Variants in CACNA2D1 observed in about 807,000 individuals in gnomAD.
The protein encoded by CACNA2D1 is calcium voltage-gated channel auxiliary subunit alpha2delta 1.
In CACNA2D1, 53 loss-of-function variants were observed where a neutral mutation model predicts 171.5. The observed-to-expected ratio is 0.31, with a 90% CI of 0.25 to 0.39. CACNA2D1 has a LOEUF of 0.39. Ranked by LOEUF, CACNA2D1 falls within the 10% of genes least tolerant of loss-of-function variation. The pLI is 1.00. For missense variants in CACNA2D1, 903 were observed against 1,299.8 expected (o/e 0.69, Z 4.69); for synonymous variants, 442 against 443.1 (o/e 1.00, Z 0.03).
chr7:82,009,952 A>C lies in CACNA2D1; in HGVS notation c.1363-2196T>G, dbSNP rs148031398. ...AATGAACTCTCCACAATATTGTCCTAATCTCCCCTTATTACCAAAAATGAC... is the reference window on the plus strand; with the variant it reads ...AATGAACTCTCCACAATATTGTCCTCATCTCCCCTTATTACCAAAAATGAC... On this transcript the variant is annotated intron_variant, in intron 15 of 38. Coordinates refer to ENST00000356860, the MANE Select transcript of CACNA2D1 (RefSeq NM_000722.4). Among the ~76,000 whole-genome samples the C allele has an allele frequency of 3.3e-5, 5 of 152,034 alleles. No individual in the cohort carries two copies. In the East Asian group the frequency reaches 9.7e-4, roughly 29 times the overall value.
Position 81,950,176 on chromosome 7 carries a change from T to C in CACNA2D1, c.*216A>G. The C allele has an allele frequency of 9.3e-6, 7 of 750,378 alleles. No homozygotes were observed. In the South Asian group the frequency reaches 1.1e-4, roughly 12 times the overall value. 46.5% of individuals were successfully genotyped at this position (750,378 alleles called of 1,614,324 possible). On this transcript the variant is annotated 3_prime_UTR_variant, in exon 39 of 39. Coordinates refer to ENST00000356860, the MANE Select transcript of CACNA2D1 (RefSeq NM_000722.4). ...TAGGATTTTGCTTTGATGTTACACA[T>C]AGATGATGCAGCATTCACACACGTT...
chr7:82,069,713 CTT>C (rs3839803), intron 7 of CACNA2D1, among the ~76,000 whole-genome samples: 70,557 of 150,144 alleles, frequency 0.47, 18,257 homozygotes, highest in African/African-American at 0.7. Context: ...CGAAGTACCC[CTT>C]TTTTTTTTAT....
intron 3 of CACNA2D1, among the ~76,000 whole-genome samples, chr7:82,185,469 GA>G (rs1487478229): frequency 4.1e-4 from 23 of 56,436 alleles, no homozygotes; most frequent in Admixed American, 3.3e-4. Flanking sequence ...ACAAAAAAGA[GA>G]GGGGGGGAGG....
rs79765810 is a variant in CACNA2D1, at chr7:82,341,160, T to C, written c.178-5909A>G. 5.0e-3 allele frequency among the ~76,000 whole-genome samples: 767 copies of C among 152,306 alleles called. 17 individuals are homozygous for C. The East Asian group carries it at 0.08, about 16-fold the overall frequency. On this transcript the variant is annotated intron_variant, in intron 2 of 38. Transcript: ENST00000356860. ...GAATGTCTTCTTTCTAAAAGGTGTA[T>C]TAACAGAAAAGAATGATATAATGTA...
In CACNA2D1 at chr7:81,980,172, C is replaced by CAAAAAAAAAAAAAAA. The variant is rs35616922; in HGVS notation, c.1955+2380_1955+2394dup. On this transcript the variant is annotated intron_variant, in intron 24 of 38. Transcript: ENST00000356860. ...AAAAGAAGGTAAAACTAAAACCAAG[C>CAAAAAAAAAAAAAAA]AAAAAAAAAAAAAAAAAAAAAAAAA... 4.8e-4 allele frequency among the ~76,000 whole-genome samples: 12 copies of CAAAAAAAAAAAAAAA among 25,256 alleles called. 2 individuals carry two copies. The highest frequency in any genetic ancestry group is 1.1e-3 in the African/African-American group (7 of 6,460). The allele number at this position is 25,256 out of a possible 152,430, so 16.6% of individuals were successfully genotyped here. A position where few individuals can be genotyped will look rare whatever the true frequency, so the allele number is the denominator to read the frequency against.
At chr7:82,067,708 G>A (rs766521109) in intron 7 of CACNA2D1, among the ~76,000 whole-genome samples, 4 of 152,126 alleles carry the variant, frequency 2.6e-5, no homozygotes, top group South Asian at 2.1e-4. Context: ...GAGAGTCTGC[G>A]ATGTAAAATA....
chr7:82,003,508 T>C lies in CACNA2D1; in HGVS notation c.1590+1915A>G, dbSNP rs146120059. Among the ~76,000 whole-genome samples, 351 of 151,522 alleles carry C rather than the reference T, an allele frequency of 2.3e-3. 1 individual carries two copies. Among genetic ancestry groups the C allele is most frequent in the African/African-American group, 7.8e-3 (324 of 41,450 alleles). ...TAAATACTGGTTATTAGTAGAAGAA[T>C]GTAGAAAAGGAAAAAAACTTCAAAT... On this transcript the variant is annotated intron_variant, in intron 18 of 38. Transcript: ENST00000356860.
intron 3 of CACNA2D1, among the ~76,000 whole-genome samples, chr7:82,302,460 G>A (rs1813137020): frequency 6.6e-6 from 1 of 150,704 alleles, no homozygotes; most frequent in African/African-American, 2.4e-5. Context: ...GCCCAGGCTG[G>A]AGTGCAATGG....
intron 12 of CACNA2D1, among the ~76,000 whole-genome samples, chr7:82,016,749 C>A (rs1800530778): frequency 6.6e-6 from 1 of 151,980 alleles, no homozygotes; most frequent in Admixed American, 6.6e-5. Flanking sequence ...TGGGGTAGTG[C>A]ACATTCTGTC....
At chr7:82,145,977 C>A (rs1030954210) in intron 4 of CACNA2D1, among the ~76,000 whole-genome samples, 2 of 151,870 alleles carry the variant, frequency 1.3e-5, no homozygotes, top group African/African-American at 2.4e-5. Context: ...TTTCTTCATC[C>A]GGTATTTTCC....
At chr7:82,086,522 T>C (rs911922738) in intron 6 of CACNA2D1, among the ~76,000 whole-genome samples, 1 of 152,176 alleles carries the variant, frequency 6.6e-6, no homozygotes, top group African/African-American at 2.4e-5. Flanking sequence ...AGCAGCCAGT[T>C]ATATGAGAAT....
At chr7:82,194,695 AAGGGCAGC>A (rs1798680681) in intron 3 of CACNA2D1, among the ~76,000 whole-genome samples, 1 of 151,986 alleles carries the variant, frequency 6.6e-6, no homozygotes, top group African/African-American at 2.4e-5. Context: ...GATTTGGGGA[AAGGGCAGC>A]AGTAACAACA....
At chr7:82,244,348 A>G (rs1003045546) in intron 3 of CACNA2D1, among the ~76,000 whole-genome samples, 2 of 152,130 alleles carry the variant, frequency 1.3e-5, no homozygotes, top group African/African-American at 4.8e-5. Flanking sequence ...CTATAATCCC[A>G]TAAGACAAAA....
chr7:82,342,041 G>T (rs1276469262), intron 2 of CACNA2D1, among the ~76,000 whole-genome samples: 1 of 119,290 alleles, frequency 8.4e-6, no homozygotes, highest in South Asian at 2.8e-4. Context: ...GCTACAGCGC[G>T]AGACTCCGTC....
At chr7:82,100,038 C>T (rs1812483665) in intron 6 of CACNA2D1, among the ~76,000 whole-genome samples, 1 of 151,814 alleles carries the variant, frequency 6.6e-6, no homozygotes, top group Non-Finnish European at 1.5e-5. Context: ...ACCTGCACAT[C>T]CTGCACATGT....
chr7:82,406,602 G>C (rs1406918977), intron 1 of CACNA2D1, among the ~76,000 whole-genome samples: 2 of 152,168 alleles, frequency 1.3e-5, no homozygotes, highest in African/African-American at 4.8e-5. Context: ...GTGTGAGATG[G>C]TATCTCATTG....
At chr7:82,389,975 T>A (rs1824909151) in intron 1 of CACNA2D1, among the ~76,000 whole-genome samples, 1 of 152,216 alleles carries the variant, frequency 6.6e-6, no homozygotes, top group Non-Finnish European at 1.5e-5. Context: ...ATATGCAACA[T>A]GAGCTCAGGG....
At chr7:82,159,638 T>C (rs1455573223) in intron 4 of CACNA2D1, among the ~76,000 whole-genome samples, 1 of 150,312 alleles carries the variant, frequency 6.7e-6, no homozygotes, top group Non-Finnish European at 1.5e-5. Flanking sequence ...TGAAAGAAAA[T>C]AAAAGATAAA....
At chr7:82,282,494 G>A (rs1286107933) in intron 3 of CACNA2D1, among the ~76,000 whole-genome samples, 1 of 152,280 alleles carries the variant, frequency 6.6e-6, no homozygotes, top group Non-Finnish European at 1.5e-5. Flanking sequence ...TTTGAGACAG[G>A]TAAGAGCTGT....
Sources: gnomAD v4.1 joint callset for allele counts (sites outside exome capture counted in the v4.1 genomes callset) on GRCh38, gnomAD v4.1.1 for gene constraint, MANE v1.5 for transcripts, NCBI Gene and HGNC (gene_info 2026-07-23, HGNC 2026-07-21) for gene names.